ASF1B: variants seen among roughly 807,000 people sequenced by gnomAD.
The protein encoded by ASF1B is histone chaperone ASF1B.
Under a neutral mutation model 16.6 loss-of-function variants are expected in ASF1B, and 10 were observed. That is an observed-to-expected ratio of 0.60 (90% CI 0.37 to 1.02). ASF1B has a LOEUF of 1.02. ASF1B is among the 50% of genes least tolerant of loss of function. The probability of loss-of-function intolerance (pLI) is 0.01; values close to 1 mark genes in which losing one functional copy is unlikely to be tolerated. For missense variants in ASF1B, 240 were observed against 266.0 expected (o/e 0.90, Z 0.68); for synonymous variants, 101 against 106.2 (o/e 0.95, Z 0.30).
intron 3 of ASF1B, among the ~76,000 whole-genome samples, chr19:14,121,125 G>A (rs1967229277): frequency 1.3e-5 from 2 of 150,592 alleles, no homozygotes; most frequent in Admixed American, 6.6e-5. Flanking sequence ...CCTGGCCCAG[G>A]ACTTTTTTTT....
rs8103470 is a variant in ASF1B at position 14,123,463 on chromosome 19, T to C, written c.226-1755A>G. 3.2e-3 allele frequency among the ~76,000 whole-genome samples: 459 copies of C among 142,960 alleles called. 4 individuals carry two copies. The highest frequency in any genetic ancestry group is 0.011 in the African/African-American group (433 of 38,492). The allele number at this position is 142,960 out of a possible 152,430, so 93.8% of individuals were successfully genotyped here. A position where few individuals can be genotyped will look rare whatever the true frequency, so the allele number is the denominator to read the frequency against. On this transcript the variant is annotated intron_variant, in intron 2 of 3. Transcript: ENST00000263382. ...GGCGTGATCTCGGCTCACTGCAAGC[T>C]CCGCCTCCCAGGTTCACGCCATTCT...
intron 1 of ASF1B, among the ~76,000 whole-genome samples, chr19:14,133,797 ATTTTTTT>A (rs34122923): frequency 8.1e-5 from 8 of 98,892 alleles, no homozygotes; most frequent in African/African-American, 2.9e-4. Flanking sequence ...CCGCACAACC[ATTTTTTT>A]TTTTTTTTTT....
intron 1 of ASF1B, among the ~76,000 whole-genome samples, chr19:14,135,084 C>T (rs1053278806): frequency 6.6e-6 from 1 of 151,764 alleles, no homozygotes; most frequent in Admixed American, 6.6e-5. Context: ...ATTAGCTGGG[C>T]GTGGTGACAG....
intron 1 of ASF1B, among the ~76,000 whole-genome samples, chr19:14,128,495 G>T (rs145864398): frequency 1.3e-5 from 2 of 152,260 alleles, no homozygotes; most frequent in African/African-American, 4.8e-5. Flanking sequence ...TTTCACTGGA[G>T]ATGGGGTCTC....
intron 1 of ASF1B, among the ~76,000 whole-genome samples, chr19:14,133,342 C>G (rs1359767884): frequency 6.6e-6 from 1 of 152,056 alleles, no homozygotes; most frequent in Non-Finnish European, 1.5e-5. Flanking sequence ...GGCTGTGTGA[C>G]TCTGGTGAAG....
chr19:14,122,714 G>A (rs769388265), intron 2 of ASF1B, among the ~76,000 whole-genome samples: 3 of 152,156 alleles, frequency 2.0e-5, no homozygotes, highest in Non-Finnish European at 2.9e-5. Context: ...ACTACAAAAC[G>A]TTGACTGTGG....
rs781130243 is a variant in ASF1B, at chr19:14,121,590, T to A, written c.344A>T (p.Asn115Ile). 6.2e-7 allele frequency: 1 copy of A among 1,613,942 alleles called. No individual in the cohort carries two copies. Among genetic ancestry groups the A allele is most frequent in the African/African-American group, 1.3e-5 (1 of 74,982 alleles). ...EFIRVGYYVN[N>I]EYLNPELREN... ...ACGCAGCTCAGGGTTGAGGTACTCG[T>A]TGTTGACGTAGTAGCCCACTCGGAT... Residue 115 changes from asparagine (N) to isoleucine (I), a missense_variant, in exon 3 of 4, where the codon AAC (asparagine) becomes ATC (isoleucine). Asn to Ile is a moderately radical substitution (Grantham distance 149, BLOSUM62 -3). Transcript: ENST00000263382.
intron 2 of ASF1B, 87 bp from the exon 3 acceptor site, chr19:14,121,795 A>G (rs762972158): frequency 3.1e-6 from 4 of 1,275,818 alleles, no homozygotes; most frequent in Non-Finnish European, 4.2e-6. Context: ...TCATGTATTT[A>G]CTGAGCAAAA....
At chr19:14,135,906 G>T (rs987513661) in intron 1 of ASF1B, among the ~76,000 whole-genome samples, 4 of 152,064 alleles carry the variant, frequency 2.6e-5, no homozygotes, top group Non-Finnish European at 5.9e-5. Flanking sequence ...CACGGTGGCT[G>T]AAGATCTCCG....
chr19:14,121,345 C>A (rs1762610301), intron 3 of ASF1B, 187 bp downstream of exon 3: 1 of 435,420 alleles, frequency 2.3e-6, no homozygotes, highest in Middle Eastern at 6.7e-4. Context: ...CTGGCCTAAT[C>A]TTAATTCTCT....
intron 2 of ASF1B, among the ~76,000 whole-genome samples, chr19:14,124,428 C>G (rs1967288293): frequency 6.6e-6 from 1 of 152,116 alleles, no homozygotes; most frequent in Admixed American, 6.6e-5. Context: ...GTGCTGGAAG[C>G]CACCACACCC....
chr19:14,132,635 T>A (rs1325626609), intron 1 of ASF1B, among the ~76,000 whole-genome samples: 1 of 152,100 alleles, frequency 6.6e-6, no homozygotes, highest in Non-Finnish European at 1.5e-5. Context: ...CTGGCCAACA[T>A]GGTGAAACCT....
At chr19:14,127,200 C>T (rs1276994526) in intron 1 of ASF1B, among the ~76,000 whole-genome samples, 1 of 152,240 alleles carries the variant, frequency 6.6e-6, no homozygotes, top group Non-Finnish European at 1.5e-5. Context: ...AAAGCTCTAC[C>T]TCCATTAGGG....
chr19:14,136,186 C>CA (rs1967495137), intron 1 of ASF1B, among the ~76,000 whole-genome samples, 162 bp downstream of exon 1: 1 of 143,188 alleles, frequency 7.0e-6, no homozygotes, highest in Non-Finnish European at 1.5e-5. Flanking sequence ...GGGGGGTCTC[C>CA]ACCGGGAGAT....
chr19:14,127,094 A>G (rs967212598), intron 1 of ASF1B, among the ~76,000 whole-genome samples: 8 of 152,152 alleles, frequency 5.3e-5, no homozygotes, highest in Non-Finnish European at 1.0e-4. Flanking sequence ...GCCTTGTGGT[A>G]ATTTTAGACA....
At chr19:14,128,981 T>A (rs942967263) in intron 1 of ASF1B, among the ~76,000 whole-genome samples, 1 of 152,202 alleles carries the variant, frequency 6.6e-6, no homozygotes, top group Non-Finnish European at 1.5e-5. Flanking sequence ...CACGAGCACC[T>A]GATGTTGTCC....
In ASF1B at chr19:14,136,336, G is replaced by A. The variant is rs1381338016; in HGVS notation, c.109+12C>T. 1 of 1,611,254 alleles carries A rather than the reference G, an allele frequency of 6.2e-7. No homozygotes were observed. The highest frequency in any genetic ancestry group is 8.5e-7 in the Non-Finnish European group (1 of 1,178,108). ...CCCGGGGGTGGGGGTCCCCGCACAG[G>A]CCCAGCCTCACCGTCCGCCAGGGCT... On this transcript the variant is annotated intron_variant, in intron 1 of 3. Coordinates refer to ENST00000263382, the MANE Select transcript of ASF1B (RefSeq NM_018154.3).
In ASF1B at chr19:14,126,195, TCA is replaced by T. The variant is rs1266256107; in HGVS notation, c.150_151del (p.Ser50ArgfsTer4). The T allele has an allele frequency of 2.5e-6, 4 of 1,613,480 alleles. No individual in the cohort carries two copies. Among genetic ancestry groups the T allele is most frequent in the South Asian group, 1.1e-5 (1 of 91,050 alleles). On this transcript the variant is annotated frameshift_variant, in exon 2 of 4. Transcript: ENST00000263382. LOFTEE classifies it high-confidence loss of function. ...CGAGTCTAGGATCTGATCAAATTCC[TCA>T]CTCTCAGCCGAGCCAACATAAATGA... is the stretch of plus-strand genomic sequence containing the variant.
At chr19:14,122,510 G>A (rs1174799913) in intron 2 of ASF1B, among the ~76,000 whole-genome samples, 2 of 151,402 alleles carry the variant, frequency 1.3e-5, no homozygotes, top group African/African-American at 4.9e-5. Context: ...GGACAACGGT[G>A]TGTGCCAACA....
Sources: gnomAD v4.1 joint callset for allele counts (sites outside exome capture counted in the v4.1 genomes callset) on GRCh38, gnomAD v4.1.1 for gene constraint, MANE v1.5 for transcripts, NCBI Gene and HGNC (gene_info 2026-07-23, HGNC 2026-07-21) for gene names.